PRKAR1A: variants seen among roughly 807,000 people sequenced by gnomAD.
The protein encoded by PRKAR1A is protein kinase cAMP-dependent type I regulatory subunit alpha.
A neutral mutation model predicts 52.0 loss-of-function variants in PRKAR1A; 3 were observed. That is an observed-to-expected ratio of 0.06 (90% CI 0.03 to 0.15). The LOEUF (loss-of-function observed/expected upper bound fraction) is 0.15, where lower values mean the gene tolerates loss of function less well. Among genes scored for constraint, PRKAR1A ranks in the 10% least tolerant of loss-of-function variants. The pLI is 1.00. For missense variants in PRKAR1A, 240 were observed against 477.4 expected, an observed-to-expected ratio of 0.50 and a Z score of 4.63; for synonymous variants, 188 against 168.4, an observed-to-expected ratio of 1.12 and a Z score of -0.90.
rs560902488 is a variant in PRKAR1A, at chr17:68,541,318, C to T, written c.974-9766C>T. On this transcript the variant is annotated intron_variant, in intron 11 of 11. Coordinates refer to the PRKAR1A transcript ENST00000585981. ...CTTGGACCCTGCGCCACTCATAGCA[C>T]CTCCATGGGCTGTTCCTGCCCTTTC... The T allele has an allele frequency of 1.3e-5, 4 of 302,174 alleles. No homozygotes were observed. The East Asian group carries it at 2.4e-4, about 18-fold the overall frequency. 18.7% of individuals were successfully genotyped at this position (302,174 alleles called of 1,614,324 possible).
At chr17:68,436,136 C>T in the PRKAR1A span, among the ~76,000 whole-genome samples, 1 of 152,344 alleles carries the variant, frequency 6.6e-6, no homozygotes, top group East Asian at 1.9e-4. Flanking sequence ...GACAACTGGC[C>T]CCCTGCTGGC....
rs2085775551 is a variant in PRKAR1A at position 68,525,922 on chromosome 17, C to T, written c.708+10C>T. ...TAGAAGAATCCTCATGGTAAGAGACCATGGTGTTTGAGAGTGTGATTTAGA... is the reference window on the plus strand; with the variant it reads ...TAGAAGAATCCTCATGGTAAGAGACTATGGTGTTTGAGAGTGTGATTTAGA... On this transcript the variant is annotated intron_variant, in intron 7 of 10. Coordinates refer to ENST00000589228, the MANE Select transcript of PRKAR1A (RefSeq NM_002734.5). 1.2e-6 allele frequency: 2 copies of T among 1,613,124 alleles called. No individual in the cohort carries two copies. The highest frequency in any genetic ancestry group is 1.3e-5 in the African/African-American group (1 of 74,770).
At chr17:68,511,546 TG>T (rs1021090237), upstream of PRKAR1A, among the ~76,000 whole-genome samples, 2 of 152,160 alleles carry the variant, frequency 1.3e-5, no homozygotes, top group Non-Finnish European at 2.9e-5. Context: ...TCAGGAGTGA[TG>T]GGGGGGCACT....
chr17:68,427,209 A>C, the PRKAR1A span: 1 of 1,614,212 alleles, frequency 6.2e-7, no homozygotes, highest in South Asian at 1.1e-5. Flanking sequence ...GGAAGGTCTG[A>C]GGTCATTTTC....
the PRKAR1A span, among the ~76,000 whole-genome samples, chr17:68,465,176 C>T: frequency 6.6e-6 from 1 of 152,062 alleles, no homozygotes; most frequent in Non-Finnish European, 1.5e-5. Context: ...TCGTGATCTG[C>T]CCGCCTCGGC....
chr17:68,517,998 A>G (rs191733844), intron 2 of PRKAR1A, among the ~76,000 whole-genome samples: 7 of 152,334 alleles, frequency 4.6e-5, no homozygotes. Context: ...CGAGGCAGTA[A>G]TTAAATCTTA....
At chr17:68,419,251 G>A in the PRKAR1A span, among the ~76,000 whole-genome samples, 1 of 152,194 alleles carries the variant, frequency 6.6e-6, no homozygotes, top group Non-Finnish European at 1.5e-5. Flanking sequence ...AAGGGCAGAG[G>A]TTAAAGATAC....
the PRKAR1A span, among the ~76,000 whole-genome samples, chr17:68,478,044 C>T: frequency 6.6e-6 from 1 of 152,216 alleles, no homozygotes; most frequent in Non-Finnish European, 1.5e-5. Context: ...TTCAAGTAAG[C>T]TTTAACAAAC....
At chr17:68,431,716 C>T in the PRKAR1A span, among the ~76,000 whole-genome samples, 1 of 7,910 alleles carries the variant, frequency 1.3e-4, no homozygotes, top group African/African-American at 7.8e-4. Context: ...CGAAGCAGGG[C>T]TGAAGAGGCA....
At chr17:68,474,942 TAAGTA>T in the PRKAR1A span, among the ~76,000 whole-genome samples, 1 of 152,152 alleles carries the variant, frequency 6.6e-6, no homozygotes. Flanking sequence ...TTTGCTAACT[TAAGTA>T]AATTTTAAAA....
Position 68,532,234 on chromosome 17 carries a change from C to A in PRKAR1A, c.*1785C>A. 9.6e-7 allele frequency: 1 copy of A among 1,036,392 alleles called. No individual in the cohort carries two copies. Among genetic ancestry groups the A allele is most frequent in the South Asian group, 4.7e-5 (1 of 21,360 alleles). 64.2% of individuals were successfully genotyped at this position (1,036,392 alleles called of 1,614,324 possible). On this transcript the variant is annotated 3_prime_UTR_variant, in exon 11 of 11. Coordinates refer to ENST00000589228, the MANE Select transcript of PRKAR1A (RefSeq NM_002734.5). ...ATTAAAAATGAAAATTACGTTCTTA[C>A]AAGCTTAAAGCTTGATTTGATCTTT... is the stretch of plus-strand genomic sequence containing the variant.
chr17:68,502,387 T>C, the PRKAR1A span, among the ~76,000 whole-genome samples: 1 of 152,148 alleles, frequency 6.6e-6, no homozygotes, highest in South Asian at 2.1e-4. Flanking sequence ...ATGAAAATTA[T>C]ATGGACCTTA....
chr17:68,435,877 T>C, the PRKAR1A span, among the ~76,000 whole-genome samples: 1 of 152,244 alleles, frequency 6.6e-6, no homozygotes, highest in Non-Finnish European at 1.5e-5. Flanking sequence ...CATTTTCTGG[T>C]GAATCAAGAT....
chr17:68,528,728 A>G (rs1443620161), intron 8 of PRKAR1A, 142 bp from the exon 9 acceptor site: 3 of 1,106,736 alleles, frequency 2.7e-6, no homozygotes. Flanking sequence ...AGGTAATTGA[A>G]GACAGGTACC....
the PRKAR1A span, among the ~76,000 whole-genome samples, chr17:68,477,840 A>G: frequency 6.6e-6 from 1 of 152,018 alleles, no homozygotes; most frequent in Non-Finnish European, 1.5e-5. Context: ...CTCCCACCTC[A>G]GCCTCCCAAG....
At chr17:68,443,194 T>C in the PRKAR1A span, among the ~76,000 whole-genome samples, 9 of 152,294 alleles carry the variant, frequency 5.9e-5, no homozygotes, top group African/African-American at 2.2e-4. Flanking sequence ...CACTGAAGCC[T>C]CCGCCTCCTG....
the PRKAR1A span, among the ~76,000 whole-genome samples, chr17:68,484,392 A>G: frequency 6.6e-6 from 1 of 151,572 alleles, no homozygotes; most frequent in South Asian, 2.1e-4. Flanking sequence ...GTAGATAGAA[A>G]TTCAATTAAT....
intron 8 of PRKAR1A, 30 bp downstream of exon 8, chr17:68,527,930 G>C (rs757799726): frequency 8.4e-6 from 13 of 1,552,306 alleles, no homozygotes; most frequent in Admixed American, 1.7e-5. Context: ...AACTTTGCTA[G>C]TATGTGAGAT....
At chr17:68,470,665 T>C in the PRKAR1A span, among the ~76,000 whole-genome samples, 7 of 152,196 alleles carry the variant, frequency 4.6e-5, no homozygotes, top group Non-Finnish European at 8.8e-5. Flanking sequence ...AGGTTAATAA[T>C]TCGTTGCTTT....
Sources: gnomAD v4.1 joint callset for allele counts (sites outside exome capture counted in the v4.1 genomes callset) on GRCh38, gnomAD v4.1.1 for gene constraint, MANE v1.5 for transcripts, NCBI Gene and HGNC (gene_info 2026-07-23, HGNC 2026-07-21) for gene names.